The following TIMM17A variants were observed in gnomAD, a reference collection of about 807,000 sequenced individuals.
TIMM17A encodes the protein translocase of inner mitochondrial membrane 17A.
TIMM17A carries 15 observed loss-of-function variants against 26.5 expected under a neutral mutation model. That is an observed-to-expected ratio of 0.57 (90% confidence interval 0.38 to 0.87). The LOEUF is 0.87. Among genes scored for constraint, TIMM17A ranks in the 40% least tolerant of loss-of-function variants. The pLI, the probability that TIMM17A is intolerant of heterozygous loss-of-function variation, is 0.00. For missense variants in TIMM17A, 201 were observed against 210.0 expected (o/e 0.96, Z 0.27); for synonymous variants, 80 against 70.8 (o/e 1.13, Z -0.66).
chr1:201,964,974 C>T (rs761539075), intron 4 of TIMM17A, among the ~76,000 whole-genome samples: 25 of 150,988 alleles, frequency 1.7e-4, no homozygotes, highest in African/African-American at 5.4e-4. Context: ...TTTCTTGAGA[C>T]GGAGTCTTAC....
chr1:201,959,690 G>A (rs749903753), intron 3 of TIMM17A, among the ~76,000 whole-genome samples: 4 of 151,488 alleles, frequency 2.6e-5, no homozygotes, highest in Admixed American at 6.6e-5. Flanking sequence ...AAAACTAAAT[G>A]TAGGCCGGGC....
At chr1:201,966,588 A>T (rs369088253) in intron 5 of TIMM17A, among the ~76,000 whole-genome samples, 226 of 152,184 alleles carry the variant, frequency 1.5e-3, no homozygotes, top group African/African-American at 5.2e-3. Context: ...CACACCTGTA[A>T]TCCCAGCATT....
intron 5 of TIMM17A, among the ~76,000 whole-genome samples, chr1:201,965,857 A>G (rs887244871): frequency 2.0e-5 from 3 of 152,244 alleles, no homozygotes; most frequent in Non-Finnish European, 4.4e-5. Flanking sequence ...ATGATGGTCA[A>G]TTGACAATTT....
intron 3 of TIMM17A, among the ~76,000 whole-genome samples, chr1:201,958,401 A>G (rs1016040359): frequency 2.0e-5 from 3 of 152,212 alleles, no homozygotes; most frequent in Non-Finnish European, 4.4e-5. Context: ...GGTTATATTC[A>G]CTTACAAAGG....
At position 201,969,599 on chromosome 1, in the gene TIMM17A, A is replaced by G. The variant is rs1682696679; in HGVS notation, c.*45A>G. 1 of 1,517,578 alleles carries G rather than the reference A, an allele frequency of 6.6e-7. No individual in the cohort carries two copies. Among genetic ancestry groups the G allele is most frequent in the South Asian group, 1.1e-5 (1 of 88,262 alleles). The allele number at this position is 1,517,578 out of a possible 1,614,324, so 94.0% of individuals were successfully genotyped here. On this transcript the variant is annotated 3_prime_UTR_variant, in exon 6 of 6. Transcript: ENST00000367287. ...CTTTAACAGAACGAGTTGTGGTTCG[A>G]GAAGGATTTCAGAAGATCAAGTTAC...
In TIMM17A at chr1:201,970,384, G is replaced by A. The variant is rs1203296503; in HGVS notation, c.*830G>A. Reference sequence around the variant, plus strand: ...CCTCTGCATAAACGATGTATTTTGGGGTCTGGTTGGGCCTGGAAAATGGAT... The same window carrying A: ...CCTCTGCATAAACGATGTATTTTGGAGTCTGGTTGGGCCTGGAAAATGGAT... On this transcript the variant is annotated 3_prime_UTR_variant, in exon 6 of 6. Transcript: ENST00000367287. 6.6e-6 allele frequency: 1 copy of A among 152,138 alleles called. No individual in the cohort carries two copies. 9.4% of individuals were successfully genotyped at this position (152,138 alleles called of 1,614,324 possible).
chr1:201,965,572 C>G (rs752452769), intron 5 of TIMM17A, 29 bp downstream of exon 5: 35 of 1,386,914 alleles, frequency 2.5e-5, no homozygotes, highest in Non-Finnish European at 3.5e-5. Flanking sequence ...AACTATAGCT[C>G]AAACATTTTG....
At chr1:201,960,816 T>C (rs1482863588) in intron 3 of TIMM17A, among the ~76,000 whole-genome samples, 1 of 152,014 alleles carries the variant, frequency 6.6e-6, no homozygotes, top group African/African-American at 2.4e-5. Context: ...TGGCACAGTC[T>C]TGGCTCACTG....
chr1:201,963,213 T>A (rs1311918170), intron 3 of TIMM17A: 6 of 169,896 alleles, frequency 3.5e-5, no homozygotes, highest in Non-Finnish European at 7.5e-5. Flanking sequence ...GTAGCTGGGA[T>A]TACAGGTGCT....
At chr1:201,957,141 C>A in intron 1 of TIMM17A, 140 bp from the exon 2 acceptor site, 1 of 602,798 alleles carries the variant, frequency 1.7e-6, no homozygotes, top group South Asian at 2.3e-5. Flanking sequence ...TTCCTCAAGT[C>A]ATTTTATAGG....
In TIMM17A at chr1:201,957,495, C is replaced by CT. The variant is rs759569646; in HGVS notation, c.127-8dup. On this transcript the variant is annotated splice_polypyrimidine_tract_variant and intron_variant, in intron 2 of 5. Transcript: ENST00000367287. ...CTTCTAATATATTTTTTGTTGCTTC[C>CT]TTTTTTTTGTTATAGGGAGTAAACC... 301 of 1,607,646 alleles carry CT rather than the reference C, an allele frequency of 1.9e-4. 5 individuals are homozygous for CT. The South Asian group carries it at 2.1e-3, about 11-fold the overall frequency.
chr1:201,957,545 C>G lies in TIMM17A; in HGVS notation c.161C>G (p.Ala54Gly). The change falls in exon 3 of 6, where the codon GCT (alanine) becomes GGT (glycine). Residue 54 changes from alanine to glycine, a missense_variant. Physicochemically the swap from Ala to Gly is moderately conservative, Grantham distance 60 (BLOSUM62 0). Coordinates refer to ENST00000367287, the MANE Select transcript of TIMM17A (RefSeq NM_006335.3). ...CACAGACTACGAGGGAGTTTGACAG[C>G]TATTAAAACCAGGGCTCCACAGTTA... Reference protein sequence around the residue: ...VNHRLRGSLTAIKTRAPQLGG... With the variant: ...VNHRLRGSLTGIKTRAPQLGG... The G allele has an allele frequency of 1.2e-6, 2 of 1,613,604 alleles. No individual in the cohort carries two copies. Among genetic ancestry groups the G allele is most frequent in the Middle Eastern group, 1.7e-4 (1 of 5,822 alleles).
intron 5 of TIMM17A, among the ~76,000 whole-genome samples, chr1:201,968,626 A>T (rs1682679650): frequency 1.3e-5 from 2 of 151,716 alleles, no homozygotes; most frequent in Admixed American, 6.6e-5. Flanking sequence ...TGCCCGCCTC[A>T]ACCTCCCAAA....
At chr1:201,955,576 AT>A in intron 1 of TIMM17A, 24 bp downstream of exon 1, 1 of 1,614,152 alleles carries the variant, frequency 6.2e-7, no homozygotes, top group Non-Finnish European at 8.5e-7. Context: ...CTGTCTTTGC[AT>A]TTCTCTTGCC....
Position 201,957,534 on chromosome 1 carries a change from G to A in TIMM17A, c.150G>A (p.Gly50=). The A allele has an allele frequency of 1.2e-6, 2 of 1,613,728 alleles. No individual in the cohort carries two copies. The highest frequency in any genetic ancestry group is 1.7e-5 in the Admixed American group (1 of 59,976). ...SPVGVNHRLR[G]SLTAIKTRAP... is the part of the protein sequence containing the mutation. ...AGGGAGTAAACCACAGACTACGAGG[G>A]AGTTTGACAGCTATTAAAACCAGGG... The change falls in exon 3 of 6, where the codon GGG becomes GGA. Residue 50 remains glycine (G), a synonymous_variant. Coordinates refer to ENST00000367287, the MANE Select transcript of TIMM17A (RefSeq NM_006335.3).
At chr1:201,960,292 C>G (rs975533164) in intron 3 of TIMM17A, among the ~76,000 whole-genome samples, 1 of 151,556 alleles carries the variant, frequency 6.6e-6, no homozygotes, top group Non-Finnish European at 1.5e-5. Flanking sequence ...CCTAGCTACT[C>G]GGGAGACTGA....
intron 5 of TIMM17A, among the ~76,000 whole-genome samples, chr1:201,966,729 C>G (rs1571607352): frequency 6.6e-6 from 1 of 151,474 alleles, no homozygotes; most frequent in East Asian, 2.0e-4. Context: ...GTAATCGCAG[C>G]TCCTTGGGAG....
chr1:201,956,429 A>G (rs1250587227), intron 1 of TIMM17A, among the ~76,000 whole-genome samples: 1 of 152,028 alleles, frequency 6.6e-6, no homozygotes, highest in Non-Finnish European at 1.5e-5. Context: ...TTAAATTACT[A>G]CTCTGGTATC....
chr1:201,956,005 GAT>G (rs1158195040), intron 1 of TIMM17A, among the ~76,000 whole-genome samples: 3 of 152,188 alleles, frequency 2.0e-5, no homozygotes, highest in Non-Finnish European at 2.9e-5. Context: ...CTTGTATCAT[GAT>G]ATGTGTCCAC....
Sources: gnomAD v4.1 joint callset for allele counts (sites outside exome capture counted in the v4.1 genomes callset) on GRCh38, gnomAD v4.1.1 for gene constraint, MANE v1.5 for transcripts, NCBI Gene and HGNC (gene_info 2026-07-23, HGNC 2026-07-21) for gene names.